Variants in CLCNKB observed in about 807,000 individuals in gnomAD.
CLCNKB encodes the protein chloride channel protein ClC-Kb.
In CLCNKB, 74 loss-of-function variants were observed where a neutral mutation model predicts 83.8. The ratio of observed to expected loss-of-function variants is 0.88; its 90% CI spans 0.73 to 1.07. The LOEUF (loss-of-function observed/expected upper bound fraction) is 1.07. Among genes scored for constraint, CLCNKB ranks in the 50% least tolerant of loss-of-function variants. CLCNKB has a pLI of 0.00. For missense variants in CLCNKB, 798 were observed against 893.6 expected (o/e 0.89, Z 1.36); for synonymous variants, 358 against 356.6 (o/e 1.00, Z -0.04).
chr1:16,048,506 C>A lies in CLCNKB; in HGVS notation c.579C>A (p.Asn193Lys), dbSNP rs1239517794. The A allele has an allele frequency of 1.2e-5, 19 of 1,613,256 alleles. No homozygotes were observed. Among genetic ancestry groups the A allele is most frequent in the East Asian group, 2.2e-5 (1 of 44,864 alleles). The change falls in exon 7 of 20, where the codon AAC becomes AAA. Residue 193 changes from asparagine (N) to lysine (K), a missense_variant and splice_region_variant. Physicochemically the swap from Asn to Lys is moderately conservative, Grantham distance 94. Transcript: ENST00000375679. Reference sequence around the variant, plus strand: ...AGCCCTGGACTCGGATCCCCCAGAACAAGAGCAAGCAAAACGAAATGCTGG... The same window carrying A: ...AGCCCTGGACTCGGATCCCCCAGAAAAAGAGCAAGCAAAACGAAATGCTGG... ...VRTTTIGEPENKSKQNEMLVA... is the reference protein window; with the variant it reads ...VRTTTIGEPEKKSKQNEMLVA...
At chr1:16,047,788 C>A (rs1257168626) in intron 4 of CLCNKB, 117 bp from the exon 5 acceptor site, 3 of 1,224,938 alleles carry the variant, frequency 2.4e-6, no homozygotes, top group African/African-American at 3.0e-5. Flanking sequence ...ATAATCCTAA[C>A]TTCAGAGGGT....
At chr1:16,051,615 A>G in intron 13 of CLCNKB, 68 bp downstream of exon 13, 1 of 1,606,720 alleles carries the variant, frequency 6.2e-7, no homozygotes, top group Non-Finnish European at 8.5e-7. Context: ...CTCCTGGTTC[A>G]CCCTCCCCAG....
chr1:16,045,933 G>C (rs1474539077), intron 3 of CLCNKB, among the ~76,000 whole-genome samples: 1 of 152,200 alleles, frequency 6.6e-6, no homozygotes, highest in Non-Finnish European at 1.5e-5. Flanking sequence ...CCTCCTCTGA[G>C]CTCTCTGCCT....
chr1:16,050,160 C>A (rs1384631064), intron 10 of CLCNKB, among the ~76,000 whole-genome samples: 7 of 150,582 alleles, frequency 4.6e-5, no homozygotes, highest in Admixed American at 4.6e-4. Context: ...TCAGTGAACC[C>A]CAACCCCCTC....
intron 3 of CLCNKB, 45 bp downstream of exon 3, chr1:16,045,731 A>G (rs1324097604): frequency 1.0e-5 from 15 of 1,442,460 alleles, no homozygotes; most frequent in African/African-American, 9.9e-5. Flanking sequence ...AGGGATTCTG[A>G]GCTCTCTCTG....
At chr1:16,044,423 C>A in intron 1 of CLCNKB, 63 bp from the exon 2 acceptor site, 1 of 1,365,322 alleles carries the variant, frequency 7.3e-7, no homozygotes, top group Non-Finnish European at 1.0e-6. Context: ...CTGGAAGGGC[C>A]TAGAGGCAGT....
Position 16,057,081 on chromosome 1 carries a change from C to T in CLCNKB, c.*165C>T. On this transcript the variant is annotated 3_prime_UTR_variant, in exon 20 of 20. Coordinates refer to ENST00000375679, the MANE Select transcript of CLCNKB (RefSeq NM_000085.5). ...CCTAGCCCAGAAGAGGATGGCTCAT[C>T]CTGGGTGGGACGATGGCTCCTGCCT... 8 of 749,548 alleles carry T rather than the reference C, an allele frequency of 1.1e-5. No homozygotes were observed. The highest frequency in any genetic ancestry group is 1.9e-5 in the Non-Finnish European group (8 of 419,074). 46.4% of individuals were successfully genotyped at this position (749,548 alleles called of 1,614,324 possible). A position where few individuals can be genotyped will look rare whatever the true frequency, so the allele number is the denominator to read the frequency against.
chr1:16,052,203 G>T lies in CLCNKB; in HGVS notation c.1414G>T (p.Ala472Ser), dbSNP rs773752495. 6.2e-7 allele frequency: 1 copy of T among 1,612,968 alleles called. No homozygotes were observed. The highest frequency in any genetic ancestry group is 8.5e-7 in the Non-Finnish European group (1 of 1,179,948). The change falls in exon 15 of 20, where the codon GCA (alanine) becomes TCA (serine). Residue 472 changes from alanine (A) to serine (S), a missense_variant. By Grantham distance (99) the Ala-to-Ser change is moderately conservative. Coordinates refer to ENST00000375679, the MANE Select transcript of CLCNKB (RefSeq NM_000085.5). Reference sequence around the variant, plus strand: ...GCCTGACTCTGCCCTTGCAGGGGCTGCAGCCTTCTCAGGGGCTGTGACCCA... The same window carrying T: ...GCCTGACTCTGCCCTTGCAGGGGCTTCAGCCTTCTCAGGGGCTGTGACCCA... ...MPGGYALAGA[A>S]AFSGAVTHTI...
chr1:16,054,918 C>T lies in CLCNKB; in HGVS notation c.1757-517C>T, dbSNP rs1215696259. Among the ~76,000 whole-genome samples the T allele has an allele frequency of 3.3e-5, 5 of 152,292 alleles. No individual in the cohort carries two copies. In the East Asian group the frequency reaches 5.8e-4, roughly 18 times the overall value. ...TATTCCACTCAACAGAAAGCAAAAA[C>T]ACCAAGCTGGGCCCTCAAAACTAAA... On this transcript the variant is annotated intron_variant, in intron 16 of 19. Coordinates refer to ENST00000375679, the MANE Select transcript of CLCNKB (RefSeq NM_000085.5).
rs756300742 is a variant in CLCNKB at position 16,050,492 on chromosome 1, C to A, written c.969-24C>A. ...GGATGTGGGAAAGGGAGGGCCAGCC[C>A]TAGAGCCCACCCATCCCCCACAGCA... On this transcript the variant is annotated intron_variant, in intron 10 of 19. Transcript: ENST00000375679. The A allele has an allele frequency of 3.3e-5, 54 of 1,612,908 alleles. 1 individual carries two copies. In the Admixed American group the frequency reaches 8.3e-4, roughly 25 times the overall value.
chr1:16,046,724 G>C (rs796899671), intron 4 of CLCNKB, 61 bp downstream of exon 4: 6 of 1,600,136 alleles, frequency 3.7e-6, no homozygotes, highest in Admixed American at 1.7e-5. Flanking sequence ...TCCCAGGGGG[G>C]AGTCGGGAAG....
At position 16,055,683 on chromosome 1, in the gene CLCNKB, C is replaced by T. The variant is rs568011037; in HGVS notation, c.1854C>T (p.Leu618=). The T allele has an allele frequency of 4.3e-6, 7 of 1,613,842 alleles. No individual in the cohort carries two copies. In the African/African-American group the frequency reaches 8.0e-5, roughly 18 times the overall value. The part of the protein sequence containing the change: ...PSWAPGHQQC[L]QDILAAGCPT... ...CCCTTCCCCACCCCCAGCAGTGTCT[C>T]CAGGACATCTTGGCTGCAGGCTGCC... Residue 618 remains leucine (L), a synonymous_variant, in exon 18 of 20, where the codon CTC becomes CTT. Transcript: ENST00000375679.
At chr1:16,050,825 G>A (rs769451791) in intron 11 of CLCNKB, 50 bp from the exon 12 acceptor site, 1 of 1,609,668 alleles carries the variant, frequency 6.2e-7, no homozygotes, top group African/African-American at 1.3e-5. Flanking sequence ...GGAGGCTGGG[G>A]TCTGCCGCTG....
intron 10 of CLCNKB, among the ~76,000 whole-genome samples, chr1:16,050,278 C>T (rs2023246512): frequency 6.6e-6 from 1 of 152,110 alleles, no homozygotes; most frequent in Non-Finnish European, 1.5e-5. Flanking sequence ...CCTAGCCTGG[C>T]CCCACTCTGT....
In CLCNKB at chr1:16,045,787, G is replaced by GGC; in HGVS notation, c.229+101_229+102insGC. ...CCAGGTGCAGCGGAGGTTGGGGGGGGTGCTCTGGGTGGGGATCTGGTCCTG... is the reference window on the plus strand; with the variant it reads ...CCAGGTGCAGCGGAGGTTGGGGGGGGGCTGCTCTGGGTGGGGATCTGGTCCTG... On this transcript the variant is annotated intron_variant, in intron 3 of 19. Transcript: ENST00000375679. 6 of 938,486 alleles carry GGC rather than the reference G, an allele frequency of 6.4e-6. No individual in the cohort carries two copies. The Admixed American group carries it at 1.3e-4, about 21-fold the overall frequency. The allele number at this position is 938,486 out of a possible 1,614,324, so 58.1% of individuals were successfully genotyped here.
At chr1:16,056,303 T>C in intron 18 of CLCNKB, 119 bp from the exon 19 acceptor site, 4 of 1,058,054 alleles carry the variant, frequency 3.8e-6, no homozygotes, top group East Asian at 2.4e-5. Flanking sequence ...CCTGGGTCTC[T>C]TGTCTCCCAC....
chr1:16,050,564 C>T lies in CLCNKB; in HGVS notation c.1017C>T (p.Thr339=). 6.2e-7 allele frequency: 1 copy of T among 1,614,132 alleles called. No homozygotes were observed. Among genetic ancestry groups the T allele is most frequent in the Non-Finnish European group, 8.5e-7 (1 of 1,180,020 alleles). The change falls in exon 11 of 20, where the codon ACC becomes ACT. Residue 339 remains threonine, a synonymous_variant. Transcript: ENST00000375679. ...ALATLVLASI[T]YPPSAGRFLA... is the part of the protein sequence containing the mutation. The stretch of plus-strand genomic sequence containing the variant: ...CCACCTTGGTTCTCGCCTCCATCAC[C>T]TACCCACCCAGCGCCGGCCGCTTCC...
In CLCNKB at chr1:16,050,549, T is replaced by C; in HGVS notation, c.1002T>C (p.Val334=). The change falls in exon 11 of 20, where the codon GTT becomes GTC. Residue 334 remains valine, a synonymous_variant. Coordinates refer to ENST00000375679, the MANE Select transcript of CLCNKB (RefSeq NM_000085.5). ...TGTACTCCGCTCTGGCCACCTTGGT[T>C]CTCGCCTCCATCACCTACCCACCCA... ...KPVYSALATL[V]LASITYPPSA... The C allele has an allele frequency of 1.2e-6, 2 of 1,614,046 alleles. No individual in the cohort carries two copies. Among genetic ancestry groups the C allele is most frequent in the Non-Finnish European group, 1.7e-6 (2 of 1,179,996 alleles).
chr1:16,050,616 TG>T lies in CLCNKB; in HGVS notation c.1053+20del. On this transcript the variant is annotated intron_variant, in intron 11 of 19. Transcript: ENST00000375679. ...AGCTTCTCGGGTAAGGGGCCTTGAG[TG>T]GGGTGGCAGGAGTGGGGAAGCCCTA... 1 of 1,612,666 alleles carries T rather than the reference TG, an allele frequency of 6.2e-7. No individual in the cohort carries two copies. The highest frequency in any genetic ancestry group is 1.3e-5 in the African/African-American group (1 of 74,978).
Sources: allele counts gnomAD v4.1 joint callset (sites outside exome capture counted in the v4.1 genomes callset), GRCh38; gene constraint gnomAD v4.1.1; transcripts MANE v1.5; gene names NCBI Gene and HGNC (gene_info 2026-07-23, HGNC 2026-07-21).